RIT2: variants seen among roughly 807,000 people sequenced by gnomAD.
RIT2 encodes Ras like without CAAX 2.
In RIT2, 24 loss-of-function variants were observed where a neutral mutation model predicts 23.7. The ratio of observed to expected loss-of-function variants is 1.01; its 90% CI spans 0.73 to 1.43. RIT2 has a LOEUF of 1.43. Among genes scored for constraint, RIT2 ranks in the 40% most tolerant of loss-of-function variants. The pLI is 0.00. For synonymous variants in RIT2, 107 were observed against 91.1 expected (o/e 1.17, Z -0.99); for missense variants, 236 against 266.9 (o/e 0.88, Z 0.81).
At chr18:42,996,268 CT>C (rs1910981080) in intron 2 of RIT2, among the ~76,000 whole-genome samples, 1 of 152,136 alleles carries the variant, frequency 6.6e-6, no homozygotes, top group Admixed American at 6.6e-5. Context: ...CACGCTGCCC[CT>C]AATCCCGCTC....
At chr18:42,802,413 G>A (rs970571888) in intron 4 of RIT2, among the ~76,000 whole-genome samples, 3 of 152,186 alleles carry the variant, frequency 2.0e-5, no homozygotes, top group Admixed American at 1.3e-4. Context: ...CACTGTTCTT[G>A]GCCCTGATAA....
intron 3 of RIT2, among the ~76,000 whole-genome samples, chr18:42,932,082 T>C (rs1909339494): frequency 6.6e-6 from 1 of 152,158 alleles, no homozygotes; most frequent in African/African-American, 2.4e-5. Flanking sequence ...AAGAAGAATT[T>C]GTCTCCAGAT....
intron 1 of RIT2, among the ~76,000 whole-genome samples, chr18:43,102,445 C>CTTTTTTT (rs200839354): frequency 1.8e-5 from 2 of 109,962 alleles, no homozygotes; most frequent in Admixed American, 9.2e-5. Context: ...TCAGGAAACC[C>CTTTTTTT]TTTTTTTTTT....
intron 3 of RIT2, among the ~76,000 whole-genome samples, chr18:42,941,526 CA>C (rs1481044483): frequency 6.6e-6 from 1 of 152,042 alleles, no homozygotes; most frequent in Non-Finnish European, 1.5e-5. Context: ...TTCCTTAAAA[CA>C]ATGCAAATAA....
intron 2 of RIT2, among the ~76,000 whole-genome samples, chr18:43,009,080 C>A (rs2144251759): frequency 6.6e-6 from 1 of 151,634 alleles, no homozygotes; most frequent in South Asian, 2.1e-4. Flanking sequence ...GTAGTAAACA[C>A]CTTAAATATT....
rs149694581 is a variant in RIT2, at chr18:43,078,881, A to G, written c.103+36536T>C. ...CATCTACAGAGTCCAGAGGGCTAGT[A>G]TACATCCCAGAGGAGCGGGAAAAGG... On this transcript the variant is annotated intron_variant, in intron 1 of 4. Transcript: ENST00000326695. Among the ~76,000 whole-genome samples, 176 of 152,308 alleles carry G rather than the reference A, an allele frequency of 1.2e-3. No individual in the cohort carries two copies. In the Middle Eastern group the frequency reaches 0.017, roughly 15 times the overall value.
intron 4 of RIT2, among the ~76,000 whole-genome samples, chr18:42,852,359 T>C (rs1907075975): frequency 1.3e-5 from 2 of 152,208 alleles, no homozygotes; most frequent in South Asian, 4.1e-4. Flanking sequence ...GAATTTAGCA[T>C]ATAGGGTATC....
chr18:42,803,473 T>C (rs181547432), intron 4 of RIT2, among the ~76,000 whole-genome samples: 2 of 152,228 alleles, frequency 1.3e-5, no homozygotes, highest in Non-Finnish European at 2.9e-5. Context: ...TGTTGCTGGA[T>C]ACTATATGGC....
At chr18:43,042,081 C>A (rs771098047) in intron 1 of RIT2, among the ~76,000 whole-genome samples, 2 of 152,074 alleles carry the variant, frequency 1.3e-5, no homozygotes, top group East Asian at 1.9e-4. Flanking sequence ...CAGAAGATGG[C>A]AAATCACTGC....
At chr18:42,887,536 C>A (rs947109400) in intron 4 of RIT2, among the ~76,000 whole-genome samples, 1 of 152,116 alleles carries the variant, frequency 6.6e-6, no homozygotes, top group East Asian at 1.9e-4. Context: ...CGGGAATTCT[C>A]CTTCATTACT....
At chr18:42,863,772 CT>C (rs1173486472) in intron 4 of RIT2, among the ~76,000 whole-genome samples, 2 of 152,222 alleles carry the variant, frequency 1.3e-5, no homozygotes, top group East Asian at 1.9e-4. Flanking sequence ...TTGAATATGG[CT>C]ACAGAACACC....
At chr18:43,057,330 A>G (rs1568069412) in intron 1 of RIT2, among the ~76,000 whole-genome samples, 1 of 152,144 alleles carries the variant, frequency 6.6e-6, no homozygotes, top group Non-Finnish European at 1.5e-5. Context: ...GCTTTCTCAA[A>G]GTGAAGCACT....
At chr18:42,908,202 T>A (rs1908674848) in intron 4 of RIT2, among the ~76,000 whole-genome samples, 1 of 147,006 alleles carries the variant, frequency 6.8e-6, no homozygotes, top group Non-Finnish European at 1.5e-5. Flanking sequence ...CAGAAAAAAA[T>A]CAGTGAAATT....
chr18:43,110,983 T>A (rs914936365), intron 1 of RIT2, among the ~76,000 whole-genome samples: 4 of 152,140 alleles, frequency 2.6e-5, no homozygotes, highest in Admixed American at 6.6e-5. Flanking sequence ...GGTGGCAGTA[T>A]CAGCAGCTAA....
Position 42,799,314 on chromosome 18 carries a change from T to C in RIT2, c.427-55594A>G, listed in dbSNP as rs544936030. 2.6e-4 allele frequency among the ~76,000 whole-genome samples: 40 copies of C among 152,306 alleles called. No individual in the cohort carries two copies. The South Asian group carries it at 7.7e-3, about 29-fold the overall frequency. On this transcript the variant is annotated intron_variant, in intron 4 of 4. Coordinates refer to ENST00000326695, the MANE Select transcript of RIT2 (RefSeq NM_002930.4). ...TTCTTGGAATGGGCTTTAGAAATAA[T>C]CTAGCCAAACCCTTTACCTAAAGTA...
intron 4 of RIT2, among the ~76,000 whole-genome samples, chr18:42,825,343 A>C (rs1906266257): frequency 6.6e-6 from 1 of 151,800 alleles, no homozygotes; most frequent in Non-Finnish European, 1.5e-5. Context: ...GTTAACCGGG[A>C]GATAGGATCA....
chr18:42,843,756 T>A (rs1174236068), intron 4 of RIT2, among the ~76,000 whole-genome samples: 1 of 152,192 alleles, frequency 6.6e-6, no homozygotes, highest in Non-Finnish European at 1.5e-5. Context: ...AATGTTGATG[T>A]TTGTAGCAAT....
rs189424279 is a variant in RIT2, at chr18:42,966,384, C to T, written c.234+7690G>A. On this transcript the variant is annotated intron_variant, in intron 3 of 4. Coordinates refer to ENST00000326695, the MANE Select transcript of RIT2 (RefSeq NM_002930.4). Reference sequence around the variant, plus strand: ...TTCGGCTATTTCTATTAAAAGTATACTTTAGAGAATCTTGGTAGTCATTTT... The same window carrying T: ...TTCGGCTATTTCTATTAAAAGTATATTTTAGAGAATCTTGGTAGTCATTTT... Among the ~76,000 whole-genome samples, 28 of 152,182 alleles carry T rather than the reference C, an allele frequency of 1.8e-4. No individual in the cohort carries two copies. In the East Asian group the frequency reaches 3.1e-3, roughly 17 times the overall value.
At chr18:42,768,699 A>G (rs1357913884) in intron 4 of RIT2, among the ~76,000 whole-genome samples, 1 of 152,128 alleles carries the variant, frequency 6.6e-6, no homozygotes, top group Non-Finnish European at 1.5e-5. Flanking sequence ...CTAGCTGGAT[A>G]CTAGATGTTT....
Sources: gnomAD v4.1 joint callset for allele counts (sites outside exome capture counted in the v4.1 genomes callset) on GRCh38, gnomAD v4.1.1 for gene constraint, MANE v1.5 for transcripts, NCBI Gene and HGNC (gene_info 2026-07-23, HGNC 2026-07-21) for gene names.